ANKRD30B: variants seen among roughly 807,000 people sequenced by gnomAD.
ANKRD30B encodes ankyrin repeat domain 30B, also known as ankyrin repeat domain-containing protein 30B.
In ANKRD30B, 144 loss-of-function variants were observed where a neutral mutation model predicts 202.2. The ratio of observed to expected loss-of-function variants is 0.71; its 90% CI spans 0.62 to 0.82. ANKRD30B has a LOEUF of 0.82. Among genes scored for constraint, ANKRD30B ranks in the 40% least tolerant of loss-of-function variants. The probability of loss-of-function intolerance (pLI) is 0.00; values close to 1 mark genes in which losing one functional copy is unlikely to be tolerated. For missense variants in ANKRD30B, 1,487 were observed against 1,669.1 expected (o/e 0.89, Z 1.90); for synonymous variants, 508 against 561.3 (o/e 0.91, Z 1.34).
intron 15 of ANKRD30B, 31 bp from the exon 16 acceptor site, chr18:14,791,370 T>A (rs1448242631): frequency 6.5e-7 from 1 of 1,542,888 alleles, no homozygotes; most frequent in Non-Finnish European, 8.8e-7. Flanking sequence ...ATTTTTTCAT[T>A]GAAATTATTT....
At chr18:14,858,645 C>T (rs1441403418), downstream of ANKRD30B, among the ~76,000 whole-genome samples, 26 of 125,380 alleles carry the variant, frequency 2.1e-4, no homozygotes, top group Non-Finnish European at 2.9e-4. Flanking sequence ...ACCTACCAGA[C>T]GAAGGGCAGC....
the ANKRD30B span, among the ~76,000 whole-genome samples, chr18:14,871,747 A>G: frequency 4.6e-5 from 7 of 152,150 alleles, no homozygotes; most frequent in East Asian, 1.4e-3. Context: ...AATATTAAAA[A>G]TTAGCCAGCC....
chr18:14,797,574 T>A, intron 18 of ANKRD30B, 87 bp from the exon 19 acceptor site: 1 of 1,399,874 alleles, frequency 7.1e-7, no homozygotes, highest in Non-Finnish European at 1.0e-6. Flanking sequence ...AGCATGAGGA[T>A]TCATCTTCAT....
At chr18:14,807,834 T>C (rs1238712562) in intron 24 of ANKRD30B, among the ~76,000 whole-genome samples, 6 of 150,984 alleles carry the variant, frequency 4.0e-5, no homozygotes, top group African/African-American at 1.5e-4. Flanking sequence ...ACCTGGACTG[T>C]ATTAGTTTGT....
At chr18:14,872,328 C>T in the ANKRD30B span, among the ~76,000 whole-genome samples, 4 of 152,162 alleles carry the variant, frequency 2.6e-5, no homozygotes, top group African/African-American at 9.7e-5. Flanking sequence ...TTTCTTTGCC[C>T]CTAAACTGTG....
At chr18:14,919,503 C>T in the ANKRD30B span, among the ~76,000 whole-genome samples, 4 of 152,228 alleles carry the variant, frequency 2.6e-5, no homozygotes, top group South Asian at 8.3e-4. Context: ...GGGAGGAGCT[C>T]CCATGAGGGA....
At chr18:14,779,827 G>A in intron 10 of ANKRD30B, 133 bp from the exon 11 acceptor site, 1 of 573,760 alleles carries the variant, frequency 1.7e-6, no homozygotes, top group South Asian at 2.8e-5. Flanking sequence ...AGAAGTGGTG[G>A]TTGTTATTCA....
In ANKRD30B at chr18:14,850,476, T is replaced by A. The variant is rs1971837662; in HGVS notation, c.3564+94T>A. 5 of 1,248,888 alleles carry A rather than the reference T, an allele frequency of 4.0e-6. No individual in the cohort carries two copies. In the South Asian group the frequency reaches 9.2e-5, roughly 23 times the overall value. 77.4% of individuals were successfully genotyped at this position (1,248,888 alleles called of 1,614,324 possible). ...TTTGATTTAGTATGTGTTATTCAGG[T>A]CTAAATCAAAGAAAAGTATTGTCTT... On this transcript the variant is annotated intron_variant, in intron 41 of 43. Coordinates refer to ENST00000690538, the MANE Select transcript of ANKRD30B (RefSeq NM_001367607.2).
the ANKRD30B span, among the ~76,000 whole-genome samples, chr18:14,940,986 T>C: frequency 6.6e-6 from 1 of 152,066 alleles, no homozygotes; most frequent in African/African-American, 2.4e-5. Flanking sequence ...GCACCTGAGC[T>C]TAGGGTCACC....
chr18:14,837,353 A>G, intron 35 of ANKRD30B, 64 bp downstream of exon 35: 2 of 1,386,274 alleles, frequency 1.4e-6, no homozygotes, highest in East Asian at 2.5e-5. Flanking sequence ...ATATCTCTGA[A>G]AATTTTTCTA....
the ANKRD30B span, among the ~76,000 whole-genome samples, chr18:14,906,634 A>G: frequency 6.6e-6 from 1 of 152,002 alleles, no homozygotes; most frequent in South Asian, 2.1e-4. Context: ...TTTTGCACAC[A>G]CACTTCTCCA....
chr18:14,777,578 G>GA (rs1482813493), intron 9 of ANKRD30B, among the ~76,000 whole-genome samples: 2 of 151,924 alleles, frequency 1.3e-5, no homozygotes, highest in African/African-American at 4.8e-5. Context: ...TTACTGGCAT[G>GA]AACCACTGCA....
At position 14,799,264 on chromosome 18, in the gene ANKRD30B, A is replaced by G. The variant is rs1429592269; in HGVS notation, c.2100A>G (p.Leu700=). The G allele has an allele frequency of 1.3e-6, 2 of 1,550,018 alleles. No homozygotes were observed. Among genetic ancestry groups the G allele is most frequent in the Non-Finnish European group, 1.7e-6 (2 of 1,149,428 alleles). ...AAGTTTCTCTTCCAAATAAAGCTTT[A>G]GAATTGAAGGACAGAGAAACATTCA... ...GRKVSLPNKA[L]ELKDRETFKA... The change falls in exon 22 of 44, where the codon TTA becomes TTG. Residue 700 remains leucine (L), a synonymous_variant. Transcript: ENST00000690538.
At chr18:14,871,078 G>GC in the ANKRD30B span, among the ~76,000 whole-genome samples, 2 of 6,622 alleles carry the variant, frequency 3.0e-4, no homozygotes, top group African/African-American at 1.1e-3. Context: ...CCCACCCACA[G>GC]ACCCCCACCC....
At chr18:14,826,250 G>C (rs567295378) in intron 32 of ANKRD30B, among the ~76,000 whole-genome samples, 1 of 152,350 alleles carries the variant, frequency 6.6e-6, no homozygotes, top group East Asian at 1.9e-4. Context: ...ACTTGGTAAA[G>C]GAGACTGAGC....
chr18:14,918,100 C>G, the ANKRD30B span, among the ~76,000 whole-genome samples: 1 of 152,088 alleles, frequency 6.6e-6, no homozygotes, highest in Non-Finnish European at 1.5e-5. Flanking sequence ...GAAGGACTCC[C>G]GTACTCAGGC....
chr18:14,781,291 T>TATGCCA (rs1372459174), intron 11 of ANKRD30B, among the ~76,000 whole-genome samples: 8 of 132,338 alleles, frequency 6.0e-5, no homozygotes, highest in South Asian at 2.6e-4. Context: ...GAGTATTCTT[T>TATGCCA]TTTTTTTTTT....
intron 1 of ANKRD30B, among the ~76,000 whole-genome samples, chr18:14,749,144 C>T (rs1221205263): frequency 2.6e-5 from 4 of 152,086 alleles, no homozygotes; most frequent in African/African-American, 9.7e-5. Context: ...ATGTTCTTTG[C>T]TGAGGGACCT....
At chr18:14,880,331 T>C in the ANKRD30B span, among the ~76,000 whole-genome samples, 1 of 152,158 alleles carries the variant, frequency 6.6e-6, no homozygotes, top group Non-Finnish European at 1.5e-5. Context: ...TCCAGGTTTG[T>C]TCTTTTTGCT....
Sources: gnomAD v4.1 joint callset for allele counts (sites outside exome capture counted in the v4.1 genomes callset) on GRCh38, gnomAD v4.1.1 for gene constraint, MANE v1.5 for transcripts, NCBI Gene and HGNC (gene_info 2026-07-23, HGNC 2026-07-21) for gene names.